The following RNF144B variants were observed in gnomAD, a reference collection of about 807,000 sequenced individuals.
RNF144B encodes ring finger protein 144B, also known as E3 ubiquitin-protein ligase RNF144B.
Under a neutral mutation model 40.2 loss-of-function variants are expected in RNF144B, and 25 were observed. That is an observed-to-expected ratio of 0.62 (90% CI 0.45 to 0.87). The LOEUF (loss-of-function observed/expected upper bound fraction) is 0.87, where lower values mean the gene tolerates loss of function less well. Ranked by LOEUF, RNF144B falls within the 40% of genes least tolerant of loss-of-function variation. The probability of loss-of-function intolerance (pLI) is 0.00; values close to 1 mark genes in which losing one functional copy is unlikely to be tolerated. For missense variants in RNF144B, 365 were observed against 373.7 expected (o/e 0.98, Z 0.19); for synonymous variants, 145 against 136.3 (o/e 1.06, Z -0.44).
At chr6:18,421,589 C>T (rs893686776) in intron 2 of RNF144B, among the ~76,000 whole-genome samples, 1 of 152,082 alleles carries the variant, frequency 6.6e-6, no homozygotes, top group Admixed American at 6.6e-5. Flanking sequence ...AGCAGGGTGG[C>T]ACCACAGACC....
intron 2 of RNF144B, among the ~76,000 whole-genome samples, chr6:18,411,194 A>G (rs988791343): frequency 2.0e-5 from 3 of 151,826 alleles, no homozygotes; most frequent in South Asian, 2.1e-4. Flanking sequence ...CATGTTAGCC[A>G]GGATGGTCTC....
At position 18,447,969 on chromosome 6, in the gene RNF144B, G is replaced by A. The variant is rs757476568; in HGVS notation, c.331+8225G>A. Among the ~76,000 whole-genome samples, 1 of 152,128 alleles carries A rather than the reference G, an allele frequency of 6.6e-6. No individual in the cohort carries two copies. The highest frequency in any genetic ancestry group is 1.5e-5 in the Non-Finnish European group (1 of 68,020). ...GAGGAGAGTGTCCACTGGGTCCGAA[G>A]CTACTGACAGATGAGGAGAGATATG... On this transcript the variant is annotated intron_variant, in intron 4 of 7. Coordinates refer to ENST00000259939, the MANE Select transcript of RNF144B (RefSeq NM_182757.4). This position sits in a 1 kb window ranked among gnomAD's most constrained non-coding sequence, Gnocchi z 5.6.
At chr6:18,411,548 G>C (rs1442138045) in intron 2 of RNF144B, among the ~76,000 whole-genome samples, 2 of 122,218 alleles carry the variant, frequency 1.6e-5, no homozygotes, top group Non-Finnish European at 3.2e-5. Flanking sequence ...CTGTCGCTCA[G>C]GGTGGAGTAC....
At position 18,419,489 on chromosome 6, in the gene RNF144B, G is replaced by A. The variant is rs1027421595; in HGVS notation, c.166-8092G>A. On this transcript the variant is annotated intron_variant, in intron 2 of 7. Coordinates refer to ENST00000259939, the MANE Select transcript of RNF144B (RefSeq NM_182757.4). The surrounding 1 kb of genome is among the most constrained non-coding windows in gnomAD (Gnocchi z 4.6). ...TTTCCTGAAATTCCAGCATTTAAAA[G>A]TTGAGTTGAGGAAAATGCAGAAGAT... Among the ~76,000 whole-genome samples the A allele has an allele frequency of 6.6e-6, 1 of 152,150 alleles. No homozygotes were observed. The highest frequency in any genetic ancestry group is 1.5e-5 in the Non-Finnish European group (1 of 68,028).
rs533452118 is a variant in RNF144B at position 18,425,949 on chromosome 6, G to A, written c.166-1632G>A. Among the ~76,000 whole-genome samples the A allele has an allele frequency of 1.3e-5, 2 of 152,102 alleles. No individual in the cohort carries two copies. Among genetic ancestry groups the A allele is most frequent in the African/African-American group, 4.8e-5 (2 of 41,414 alleles). On this transcript the variant is annotated intron_variant, in intron 2 of 7. Coordinates refer to ENST00000259939, the MANE Select transcript of RNF144B (RefSeq NM_182757.4). This position sits in a 1 kb window ranked among gnomAD's most constrained non-coding sequence, Gnocchi z 4.2. Reference sequence around the variant, plus strand: ...GAAGAGATACAAGTCTGGTTTAAATGGTTTGCCCTAGTCATTGATTCATCA... The same window carrying A: ...GAAGAGATACAAGTCTGGTTTAAATAGTTTGCCCTAGTCATTGATTCATCA...
Position 18,398,844 on chromosome 6 carries a change from CTT to C in RNF144B, c.-36-653_-36-652del, listed in dbSNP as rs2113460596. On this transcript the variant is annotated intron_variant, in intron 1 of 7. Transcript: ENST00000259939. The surrounding 1 kb of genome is among the most constrained non-coding windows in gnomAD (Gnocchi z 5.0). ...CCGATTGCTGGATCATATGTTACCT[CTT>C]TGTTTAACTTTTTGAATGACATTCT... Among the ~76,000 whole-genome samples, 1 of 152,282 alleles carries C rather than the reference CTT, an allele frequency of 6.6e-6. No individual in the cohort carries two copies. Among genetic ancestry groups the C allele is most frequent in the Admixed American group, 6.5e-5 (1 of 15,298 alleles).
rs1262382203 is a variant in RNF144B at position 18,447,775 on chromosome 6, G to A, written c.331+8031G>A. ...CGTCAGCATAGAGGTCAGGTTTAAA[G>A]CTGTGACACTGAATGAGCGCATCTA... is the stretch of plus-strand genomic sequence containing the variant. On this transcript the variant is annotated intron_variant, in intron 4 of 7. Transcript: ENST00000259939. This position sits in a 1 kb window ranked among gnomAD's most constrained non-coding sequence, Gnocchi z 5.6. Among the ~76,000 whole-genome samples the A allele has an allele frequency of 6.6e-6, 1 of 152,184 alleles. No individual in the cohort carries two copies. The highest frequency in any genetic ancestry group is 2.4e-5 in the African/African-American group (1 of 41,456).
rs919887608 is a variant in RNF144B at position 18,442,519 on chromosome 6, T to C, written c.331+2775T>C. On this transcript the variant is annotated intron_variant, in intron 4 of 7. Coordinates refer to ENST00000259939, the MANE Select transcript of RNF144B (RefSeq NM_182757.4). The surrounding 1 kb of genome is among the most constrained non-coding windows in gnomAD (Gnocchi z 4.3). ...TAACCTTCCTTATCTATACAAATGTTAAAATTCTATACTTTTCTTTTTGTT... is the reference window on the plus strand; with the variant it reads ...TAACCTTCCTTATCTATACAAATGTCAAAATTCTATACTTTTCTTTTTGTT... Among the ~76,000 whole-genome samples the C allele has an allele frequency of 2.6e-5, 4 of 152,228 alleles. No individual in the cohort carries two copies. Among genetic ancestry groups the C allele is most frequent in the African/African-American group, 9.6e-5 (4 of 41,468 alleles).
At chr6:18,392,587 G>A (rs1258993569) in intron 1 of RNF144B, among the ~76,000 whole-genome samples, 1 of 152,064 alleles carries the variant, frequency 6.6e-6, no homozygotes, top group Admixed American at 6.6e-5. Context: ...CTGTTGAAAT[G>A]ACGATGTTAA....
At position 18,459,602 on chromosome 6, in the gene RNF144B, TC is replaced by T. The variant is rs1759407442; in HGVS notation, c.537-4del. 1 of 1,612,192 alleles carries T rather than the reference TC, an allele frequency of 6.2e-7. No individual in the cohort carries two copies. Among genetic ancestry groups the T allele is most frequent in the African/African-American group, 1.3e-5 (1 of 74,876 alleles). On this transcript the variant is annotated splice_region_variant and splice_polypyrimidine_tract_variant and intron_variant, in intron 5 of 7. Transcript: ENST00000259939. This position sits in a 1 kb window ranked among gnomAD's most constrained non-coding sequence, Gnocchi z 4.2. The stretch of plus-strand genomic sequence containing the variant: ...AATGCCATTTCTCATCCATTTTGTT[TC>T]TAGAGCCCTCTTTGGGACAGATGCA...
At position 18,387,434 on chromosome 6, in the gene RNF144B, C is replaced by T. The variant is rs774511255; in HGVS notation, c.-233C>T. Reference sequence around the variant, plus strand: ...TAGGAGGCGGTCGGGGACTCCGCCTCCTCCCGACCCGTAGGTCTGGGAGCG... The same window carrying T: ...TAGGAGGCGGTCGGGGACTCCGCCTTCTCCCGACCCGTAGGTCTGGGAGCG... On this transcript the variant is annotated 5_prime_UTR_variant, in exon 1 of 8. Transcript: ENST00000259939. 3.0e-5 allele frequency: 36 copies of T among 1,200,660 alleles called. No homozygotes were observed. Among genetic ancestry groups the T allele is most frequent in the Non-Finnish European group, 3.8e-5 (36 of 940,944 alleles). 74.4% of individuals were successfully genotyped at this position (1,200,660 alleles called of 1,614,324 possible).
intron 2 of RNF144B, among the ~76,000 whole-genome samples, chr6:18,421,273 TACACACAC>T (rs1170609706): frequency 1.8e-3 from 189 of 102,296 alleles, no homozygotes; most frequent in Middle Eastern, 4.5e-3. Context: ...TTATATATTA[TACACACAC>T]ACACACACAC....
At chr6:18,421,995 G>A (rs1413377938) in intron 2 of RNF144B, among the ~76,000 whole-genome samples, 1 of 152,068 alleles carries the variant, frequency 6.6e-6, no homozygotes, top group African/African-American at 2.4e-5. Flanking sequence ...TATATGGTTG[G>A]CCAACACCTA....
At position 18,416,978 on chromosome 6, in the gene RNF144B, A is replaced by G. The variant is rs994358909; in HGVS notation, c.166-10603A>G. 6.6e-6 allele frequency among the ~76,000 whole-genome samples: 1 copy of G among 152,252 alleles called. No homozygotes were observed. Among genetic ancestry groups the G allele is most frequent in the South Asian group, 2.1e-4 (1 of 4,838 alleles). ...TTTCCATATACTAGTAAGAAATAAT[A>G]TAATTGCATTAATAAGAAAATAATT... On this transcript the variant is annotated intron_variant, in intron 2 of 7. Coordinates refer to ENST00000259939, the MANE Select transcript of RNF144B (RefSeq NM_182757.4). The surrounding 1 kb of genome is among the most constrained non-coding windows in gnomAD (Gnocchi z 5.5).
intron 2 of RNF144B, among the ~76,000 whole-genome samples, chr6:18,407,038 C>T (rs923007001): frequency 5.3e-5 from 8 of 152,080 alleles, no homozygotes; most frequent in African/African-American, 1.9e-4. Flanking sequence ...GATACTGCCC[C>T]TATAATCTAG....
In RNF144B at chr6:18,443,653, A is replaced by ATTT. The variant is rs1759015448; in HGVS notation, c.331+3909_331+3910insTTT. 6.6e-6 allele frequency among the ~76,000 whole-genome samples: 1 copy of ATTT among 152,094 alleles called. No homozygotes were observed. The highest frequency in any genetic ancestry group is 2.4e-5 in the African/African-American group (1 of 41,412). ...TTGGAAAATGGACATTTCAAATAAG[A>ATTT]GTAAATTTAAGTTAATGAAGTGCTA... is the stretch of plus-strand genomic sequence containing the variant. On this transcript the variant is annotated intron_variant, in intron 4 of 7. Transcript: ENST00000259939. The surrounding 1 kb of genome is among the most constrained non-coding windows in gnomAD (Gnocchi z 4.7).
chr6:18,430,586 C>T (rs537889628), intron 3 of RNF144B, among the ~76,000 whole-genome samples: 25 of 152,116 alleles, frequency 1.6e-4, no homozygotes, highest in African/African-American at 4.8e-4. Flanking sequence ...CAGGCTCAAG[C>T]GATCCTCCCA....
intron 1 of RNF144B, chr6:18,396,818 A>G (rs1794702072): frequency 7.1e-6 from 7 of 985,332 alleles, no homozygotes; most frequent in Non-Finnish European, 8.4e-6. Context: ...GGGAGGAAGG[A>G]AAAGGTAAAG....
chr6:18,463,619 C>CT (rs1407582985), intron 7 of RNF144B, among the ~76,000 whole-genome samples: 1 of 152,200 alleles, frequency 6.6e-6, no homozygotes, highest in Non-Finnish European at 1.5e-5. Flanking sequence ...GCCAGGCAGT[C>CT]AACAGTGACG....
Sources: allele counts gnomAD v4.1 joint callset (sites outside exome capture counted in the v4.1 genomes callset), GRCh38; gene constraint gnomAD v4.1.1; non-coding constraint Gnocchi (gnomAD v3.1); transcripts MANE v1.5; gene names NCBI Gene and HGNC (gene_info 2026-07-23, HGNC 2026-07-21).